The following NPFFR1 variants were observed in gnomAD, a reference collection of about 807,000 sequenced individuals.
NPFFR1 encodes G-protein coupled receptor 147.
In NPFFR1, 17 loss-of-function variants were observed where a neutral mutation model predicts 12.7. The observed-to-expected ratio is 1.34, with a 90% CI of 0.92 to 2.01. The LOEUF is 2.01. Ranked by LOEUF, NPFFR1 falls within the 30% of genes most tolerant of loss-of-function variation. The pLI, the probability that NPFFR1 is intolerant of heterozygous loss-of-function variation, is 0.00. For synonymous variants in NPFFR1, 296 were observed against 264.5 expected (o/e 1.12, Z -1.16); for missense variants, 604 against 606.5 (o/e 1.00, Z 0.04).
At position 70,247,724 on chromosome 10, in the gene NPFFR1, G is replaced by A. The variant is rs1418147661; in HGVS notation, c.*7233C>T. On this transcript the variant is annotated 3_prime_UTR_variant, in exon 4 of 4. Transcript: ENST00000277942. Reference sequence around the variant, plus strand: ...TTTTTCCACCCACATTAATTTGGTTGCTTGCACATGACAACAGCATCATTT... The same window carrying A: ...TTTTTCCACCCACATTAATTTGGTTACTTGCACATGACAACAGCATCATTT... 6.6e-6 allele frequency: 1 copy of A among 152,226 alleles called. No individual in the cohort carries two copies. Among genetic ancestry groups the A allele is most frequent in the African/African-American group, 2.4e-5 (1 of 41,456 alleles). The allele number at this position is 152,226 out of a possible 1,614,324, so 9.4% of individuals were successfully genotyped here. A position where few individuals can be genotyped will look rare whatever the true frequency, so the allele number is the denominator to read the frequency against.
chr10:70,283,772 T>TTGCGGGC lies in NPFFR1; in HGVS notation c.-103_-97dup. On this transcript the variant is annotated 5_prime_UTR_variant, in exon 1 of 4. Coordinates refer to ENST00000277942, the MANE Select transcript of NPFFR1 (RefSeq NM_022146.5). ...AGAGGGACGGTCTCCGGGCACTTGGTTGCGGGCTGCGCCCCTGCCTCCGCG... is the reference window on the plus strand; with the variant it reads ...AGAGGGACGGTCTCCGGGCACTTGGTTGCGGGCTGCGGGCTGCGCCCCTGCCTCCGCG... The TTGCGGGC allele has an allele frequency of 4.3e-6, 6 of 1,402,750 alleles. No individual in the cohort carries two copies. The highest frequency in any genetic ancestry group is 5.8e-6 in the Non-Finnish European group (6 of 1,029,242). 86.9% of individuals were successfully genotyped at this position (1,402,750 alleles called of 1,614,324 possible). A position where few individuals can be genotyped will look rare whatever the true frequency, so the allele number is the denominator to read the frequency against.
At chr10:70,266,036 G>C in intron 2 of NPFFR1, 41 bp downstream of exon 2, 1 of 1,549,820 alleles carries the variant, frequency 6.5e-7, no homozygotes, top group Non-Finnish European at 8.9e-7. Flanking sequence ...AGTTGAAGTG[G>C]GGGGTAGGGG....
At chr10:70,281,398 T>C (rs1035761844) in intron 1 of NPFFR1, among the ~76,000 whole-genome samples, 2 of 152,148 alleles carry the variant, frequency 1.3e-5, no homozygotes, top group Non-Finnish European at 2.9e-5. Context: ...AACCAGCTCA[T>C]TAAGGCACCC....
At position 70,260,675 on chromosome 10, in the gene NPFFR1, A is replaced by C; in HGVS notation, c.387T>G (p.Ala129=). The C allele has an allele frequency of 6.2e-7, 1 of 1,611,524 alleles. No individual in the cohort carries two copies. Among genetic ancestry groups the C allele is most frequent in the East Asian group, 2.2e-5 (1 of 44,792 alleles). The change falls in exon 3 of 4, where the codon GCT becomes GCG. Residue 129 remains alanine (A), a synonymous_variant. Coordinates refer to ENST00000277942, the MANE Select transcript of NPFFR1 (RefSeq NM_022146.5). Reference sequence around the variant, plus strand: ...CAATGGCCACCAGTGTGAAAACGGAAGCCGACACAGACATGCCCTGCACCA... The same window carrying C: ...CAATGGCCACCAGTGTGAAAACGGACGCCGACACAGACATGCCCTGCACCA... ...SGLVQGMSVS[A]SVFTLVAIAV... is the part of the protein sequence containing the mutation.
At chr10:70,256,818 A>C (rs1840577647) in intron 3 of NPFFR1, among the ~76,000 whole-genome samples, 1 of 152,208 alleles carries the variant, frequency 6.6e-6, no homozygotes, top group Non-Finnish European at 1.5e-5. Flanking sequence ...TGCCATATAA[A>C]CCAGTAGCTG....
chr10:70,270,639 T>C (rs1033273786), intron 1 of NPFFR1, among the ~76,000 whole-genome samples: 15 of 152,178 alleles, frequency 9.9e-5, no homozygotes, highest in African/African-American at 3.6e-4. Context: ...ACATGAATCC[T>C]TTCTGGAGGA....
intron 2 of NPFFR1, among the ~76,000 whole-genome samples, chr10:70,261,659 G>C (rs922514217): frequency 6.6e-6 from 1 of 152,282 alleles, no homozygotes; most frequent in East Asian, 1.9e-4. Flanking sequence ...AGTGGTTCTC[G>C]ACACTGGCTG....
chr10:70,274,212 G>A (rs944175578), intron 1 of NPFFR1, among the ~76,000 whole-genome samples: 12 of 151,232 alleles, frequency 7.9e-5, no homozygotes, highest in Admixed American at 6.6e-4. Flanking sequence ...CACTTTGGGA[G>A]ATGGAAGGAG....
intron 2 of NPFFR1, among the ~76,000 whole-genome samples, chr10:70,261,505 T>C (rs1400975630): frequency 6.6e-6 from 1 of 152,202 alleles, no homozygotes; most frequent in East Asian, 1.9e-4. Flanking sequence ...AATGGACCCA[T>C]GCAGTTCAAA....
At chr10:70,256,198 C>T (rs1012732868) in intron 3 of NPFFR1, among the ~76,000 whole-genome samples, 2 of 152,044 alleles carry the variant, frequency 1.3e-5, no homozygotes, top group African/African-American at 4.8e-5. Flanking sequence ...CCCACCTCAG[C>T]CTCCTGAGTA....
chr10:70,257,744 A>C (rs577865152), intron 3 of NPFFR1, among the ~76,000 whole-genome samples: 1 of 152,252 alleles, frequency 6.6e-6, no homozygotes, highest in Non-Finnish European at 1.5e-5. Flanking sequence ...TGAATGTCTC[A>C]GTATAAAACC....
In NPFFR1 at chr10:70,258,056, C is replaced by A. The variant is rs188619116; in HGVS notation, c.423-2229G>T. 2.4e-4 allele frequency among the ~76,000 whole-genome samples: 36 copies of A among 152,258 alleles called. No homozygotes were observed. The East Asian group carries it at 6.6e-3, about 28-fold the overall frequency. On this transcript the variant is annotated intron_variant, in intron 3 of 3. Coordinates refer to ENST00000277942, the MANE Select transcript of NPFFR1 (RefSeq NM_022146.5). ...TAATAATAAATAAAAACTGAGGGAACTCAGAGACCGGTGCCGGCGCAGGTC... is the reference window on the plus strand; with the variant it reads ...TAATAATAAATAAAAACTGAGGGAAATCAGAGACCGGTGCCGGCGCAGGTC...
At position 70,276,787 on chromosome 10, in the gene NPFFR1, A is replaced by T. The variant is rs569384436; in HGVS notation, c.7+6883T>A. Among the ~76,000 whole-genome samples, 5 of 152,174 alleles carry T rather than the reference A, an allele frequency of 3.3e-5. No individual in the cohort carries two copies. In the South Asian group the frequency reaches 6.2e-4, roughly 19 times the overall value. ...TTTTTAGTAGAGACGGGGTTTCACC[A>T]TGTTGGCCAGGCTGGTCTCAAACTC... On this transcript the variant is annotated intron_variant, in intron 1 of 3. Coordinates refer to ENST00000277942, the MANE Select transcript of NPFFR1 (RefSeq NM_022146.5).
Position 70,283,238 on chromosome 10 carries a change from T to TCACA in NPFFR1, c.7+428_7+431dup, listed in dbSNP as rs139594233. Among the ~76,000 whole-genome samples, 630 of 141,596 alleles carry TCACA rather than the reference T, an allele frequency of 4.4e-3. 3 individuals are homozygous for TCACA. Among genetic ancestry groups the TCACA allele is most frequent in the African/African-American group, 0.016 (608 of 37,756 alleles). The allele number at this position is 141,596 out of a possible 152,430, so 92.9% of individuals were successfully genotyped here. Reference sequence around the variant, plus strand: ...CTCTCTCTCACTCTCTCTCTCTCTCTCACACACACACACAAGCACAACATG... The same window carrying TCACA: ...CTCTCTCTCACTCTCTCTCTCTCTCTCACACACACACACACACAAGCACAACATG... On this transcript the variant is annotated intron_variant, in intron 1 of 3. Transcript: ENST00000277942.
At chr10:70,263,769 G>A (rs1344009916) in intron 2 of NPFFR1, among the ~76,000 whole-genome samples, 1 of 150,712 alleles carries the variant, frequency 6.6e-6, no homozygotes, top group Admixed American at 6.6e-5. Context: ...CCTTCTGTAT[G>A]TGAGTTAAAA....
intron 2 of NPFFR1, among the ~76,000 whole-genome samples, chr10:70,265,421 T>C (rs758369246): frequency 3.9e-5 from 6 of 152,182 alleles, no homozygotes; most frequent in Non-Finnish European, 8.8e-5. Flanking sequence ...TGTTCTGACA[T>C]CTGCAGGATG....
intron 1 of NPFFR1, among the ~76,000 whole-genome samples, chr10:70,268,998 C>T (rs1170069984): frequency 1.3e-5 from 2 of 152,136 alleles, no homozygotes; most frequent in Admixed American, 6.5e-5. Context: ...GTTCACAGGT[C>T]CCCAGTCTGT....
At chr10:70,274,068 G>A (rs1840776385) in intron 1 of NPFFR1, among the ~76,000 whole-genome samples, 2 of 152,164 alleles carry the variant, frequency 1.3e-5, no homozygotes, top group South Asian at 4.1e-4. Context: ...CGGAGACTGT[G>A]CTAATGCAGA....
chr10:70,283,714 C>T lies in NPFFR1; in HGVS notation c.-38G>A. ...TGCGGGCTCCGGCGGTCTCCGATGG[C>T]GGGAGGCAGCGGGCCCCTTCGGGCC... On this transcript the variant is annotated 5_prime_UTR_variant, in exon 1 of 4. Transcript: ENST00000277942. 1 of 1,533,996 alleles carries T rather than the reference C, an allele frequency of 6.5e-7. No individual in the cohort carries two copies. The highest frequency in any genetic ancestry group is 2.0e-5 in the Admixed American group (1 of 50,982).
Sources: gnomAD v4.1 joint callset for allele counts (sites outside exome capture counted in the v4.1 genomes callset) on GRCh38, gnomAD v4.1.1 for gene constraint, MANE v1.5 for transcripts, NCBI Gene and HGNC (gene_info 2026-07-23, HGNC 2026-07-21) for gene names.